SLC28A1: variants seen among roughly 807,000 people sequenced by gnomAD.
SLC28A1 encodes the protein solute carrier family 28 member 1, also known as sodium/nucleoside cotransporter 1.
A neutral mutation model predicts 74.8 loss-of-function variants in SLC28A1; 64 were observed. The ratio of observed to expected loss-of-function variants is 0.86; its 90% confidence interval spans 0.70 to 1.05. The LOEUF is 1.05. Among genes scored for constraint, SLC28A1 ranks in the 50% least tolerant of loss-of-function variants. The probability of loss-of-function intolerance (pLI) is 0.00; values close to 1 mark genes in which losing one functional copy is unlikely to be tolerated. For missense variants in SLC28A1, 828 were observed against 822.8 expected (o/e 1.01, Z -0.08); for synonymous variants, 359 against 335.0 (o/e 1.07, Z -0.78).
rs115744035 is a variant in SLC28A1 at position 84,887,104 on chromosome 15, A to C, written c.-17+317A>C. Among the ~76,000 whole-genome samples, 356 of 152,340 alleles carry C rather than the reference A, an allele frequency of 2.3e-3. 2 individuals carry two copies. Among genetic ancestry groups the C allele is most frequent in the African/African-American group, 8.2e-3 (341 of 41,582 alleles). On this transcript the variant is annotated intron_variant, in intron 2 of 18. Coordinates refer to ENST00000394573, the MANE Select transcript of SLC28A1 (RefSeq NM_004213.5). ...AAAGTCCAGGAGTAGGATTGGTTTC[A>C]GGTATAGTTGGATCCAGGAACTGGA... is the stretch of plus-strand genomic sequence containing the variant.
the SLC28A1 span, among the ~76,000 whole-genome samples, chr15:84,972,738 A>G: frequency 6.6e-6 from 1 of 152,248 alleles, no homozygotes; most frequent in African/African-American, 2.4e-5. Flanking sequence ...ACGGAGCTAC[A>G]TTGGTAGCTA....
chr15:84,967,246 C>A, the SLC28A1 span, among the ~76,000 whole-genome samples: 2 of 152,144 alleles, frequency 1.3e-5, no homozygotes, highest in Non-Finnish European at 2.9e-5. Context: ...AGGTGTTAGT[C>A]CTGAAAAGTT....
At chr15:84,930,409 G>A (rs1234838698) in intron 12 of SLC28A1, among the ~76,000 whole-genome samples, 1 of 152,176 alleles carries the variant, frequency 6.6e-6, no homozygotes, top group Non-Finnish European at 1.5e-5. Context: ...CAGGGCCCTG[G>A]GGAGGTATCA....
At chr15:84,904,879 A>G (rs1191136741) in intron 7 of SLC28A1, among the ~76,000 whole-genome samples, 3 of 152,276 alleles carry the variant, frequency 2.0e-5, no homozygotes, top group African/African-American at 7.2e-5. Flanking sequence ...GGCAGATGGA[A>G]TCTTCTCTCT....
intron 12 of SLC28A1, among the ~76,000 whole-genome samples, chr15:84,928,577 TC>T (rs1567172214): frequency 7.8e-4 from 15 of 19,190 alleles, no homozygotes; most frequent in African/African-American, 3.9e-3. Flanking sequence ...TTTCTTTCTT[TC>T]TTTCTTTCTT....
At chr15:84,931,932 G>A (rs966464419) in intron 12 of SLC28A1, among the ~76,000 whole-genome samples, 3 of 152,000 alleles carry the variant, frequency 2.0e-5, no homozygotes, top group African/African-American at 7.3e-5. Context: ...AACCCAGGAG[G>A]CGGAGGTTAC....
chr15:84,935,543 C>T, intron 15 of SLC28A1, 25 bp downstream of exon 15: 1 of 1,594,878 alleles, frequency 6.3e-7, no homozygotes, highest in Non-Finnish European at 8.6e-7. Context: ...CCCTTCCCTG[C>T]AGCAGGGGGA....
intron 9 of SLC28A1, among the ~76,000 whole-genome samples, chr15:84,913,664 T>C (rs1292008707): frequency 6.6e-6 from 1 of 152,256 alleles, no homozygotes; most frequent in Non-Finnish European, 1.5e-5. Context: ...CCTTGAGTTA[T>C]GGTACTAGCA....
chr15:84,924,018 G>T lies in SLC28A1; in HGVS notation c.991G>T (p.Ala331Ser). 2 of 1,614,020 alleles carry T rather than the reference G, an allele frequency of 1.2e-6. No homozygotes were observed. The highest frequency in any genetic ancestry group is 1.7e-6 in the Non-Finnish European group (2 of 1,180,014). The change falls in exon 12 of 19, where the codon GCA becomes TCA. Residue 331 changes from alanine to serine, a missense_variant. By Grantham distance (99) the Ala-to-Ser change is moderately conservative. Transcript: ENST00000394573. The part of the protein sequence containing the change: ...EAPLLIRPYL[A>S]DMTLSEVHVV... ...TCCATTACTGATCCGGCCCTACTTGGCAGACATGACACTCTCTGAAGTCCA... is the reference window on the plus strand; with the variant it reads ...TCCATTACTGATCCGGCCCTACTTGTCAGACATGACACTCTCTGAAGTCCA...
intron 12 of SLC28A1, among the ~76,000 whole-genome samples, chr15:84,924,653 C>T (rs1392291839): frequency 6.6e-6 from 1 of 152,212 alleles, no homozygotes; most frequent in Non-Finnish European, 1.5e-5. Flanking sequence ...AATCACAATG[C>T]TACTGCATGG....
intron 11 of SLC28A1, among the ~76,000 whole-genome samples, chr15:84,922,745 G>A (rs1024266006): frequency 5.3e-5 from 8 of 152,148 alleles, no homozygotes; most frequent in Non-Finnish European, 8.8e-5. Context: ...CGGCTCCCCC[G>A]CGCCCATCTG....
At chr15:84,953,823 T>G in the SLC28A1 span, among the ~76,000 whole-genome samples, 1 of 152,214 alleles carries the variant, frequency 6.6e-6, no homozygotes, top group Non-Finnish European at 1.5e-5. Context: ...AGGGGTATAT[T>G]ACTTAGGATT....
At chr15:84,965,674 A>G in the SLC28A1 span, among the ~76,000 whole-genome samples, 10 of 152,216 alleles carry the variant, frequency 6.6e-5, no homozygotes, top group Non-Finnish European at 1.5e-4. Context: ...TAGGATGACC[A>G]ACTTGTCCTG....
At chr15:84,929,930 G>A (rs1312671753) in intron 12 of SLC28A1, among the ~76,000 whole-genome samples, 1 of 152,206 alleles carries the variant, frequency 6.6e-6, no homozygotes. Flanking sequence ...TCCTGACCAG[G>A]TGCCTGGGAG....
chr15:84,936,567 C>A (rs1299174472), intron 15 of SLC28A1, among the ~76,000 whole-genome samples: 22 of 152,124 alleles, frequency 1.4e-4, no homozygotes, highest in Admixed American at 1.4e-3. Context: ...ATCACCTTCA[C>A]TGTTAGTATA....
Position 84,935,368 on chromosome 15 carries a change from G to T in SLC28A1, c.1431G>T (p.Val477=). Residue 477 remains valine, a synonymous_variant, in exon 15 of 19, where the codon GTG becomes GTT. Coordinates refer to ENST00000394573, the MANE Select transcript of SLC28A1 (RefSeq NM_004213.5). ...ILRPVAFLMG[V]AWEDCPVVAE... ...GGCCTGTAGCCTTCTTGATGGGTGTGGCGTGGGAGGACTGCCCAGTGGTAG... is the reference window on the plus strand; with the variant it reads ...GGCCTGTAGCCTTCTTGATGGGTGTTGCGTGGGAGGACTGCCCAGTGGTAG... The T allele has an allele frequency of 6.2e-7, 1 of 1,614,252 alleles. No individual in the cohort carries two copies. Among genetic ancestry groups the T allele is most frequent in the Non-Finnish European group, 8.5e-7 (1 of 1,180,038 alleles).
At chr15:84,939,913 C>A (rs1972444379) in intron 15 of SLC28A1, among the ~76,000 whole-genome samples, 2 of 152,132 alleles carry the variant, frequency 1.3e-5, no homozygotes, top group South Asian at 4.1e-4. Context: ...TAGCCTCTGC[C>A]TCCTAGGCTC....
chr15:84,894,606 A>G (rs1403865626), intron 5 of SLC28A1, among the ~76,000 whole-genome samples: 1 of 152,202 alleles, frequency 6.6e-6, no homozygotes, highest in Non-Finnish European at 1.5e-5. Context: ...GGGGCCTAGC[A>G]TGGCGCTGGA....
At chr15:84,972,394 C>T in the SLC28A1 span, among the ~76,000 whole-genome samples, 95,603 of 152,158 alleles carry the variant, frequency 0.63, 30,514 homozygotes, top group South Asian at 0.8. Flanking sequence ...GGTGTAAGAC[C>T]TAGTTTACTC....
Sources: gnomAD v4.1 joint callset for allele counts (sites outside exome capture counted in the v4.1 genomes callset) on GRCh38, gnomAD v4.1.1 for gene constraint, MANE v1.5 for transcripts, NCBI Gene and HGNC (gene_info 2026-07-23, HGNC 2026-07-21) for gene names.